NCAM1: variants seen among roughly 807,000 people sequenced by gnomAD.
NCAM1 encodes the protein neural cell adhesion molecule 1.
NCAM1 carries 14 observed loss-of-function variants against 109.8 expected under a neutral mutation model. The ratio of observed to expected loss-of-function variants is 0.13; its 90% CI spans 0.08 to 0.20. The LOEUF (loss-of-function observed/expected upper bound fraction) is 0.20, where lower values mean the gene tolerates loss of function less well. Ranked by LOEUF, NCAM1 falls within the 10% of genes least tolerant of loss-of-function variation. NCAM1 has a pLI of 1.00. For missense variants in NCAM1, 774 were observed against 1,109.9 expected (o/e 0.70, Z 4.30); for synonymous variants, 418 against 442.9 (o/e 0.94, Z 0.70).
intron 1 of NCAM1, among the ~76,000 whole-genome samples, chr11:113,196,580 G>T (rs1181403182): frequency 1.3e-5 from 2 of 152,194 alleles, no homozygotes; most frequent in East Asian, 3.8e-4. Flanking sequence ...CTTTACATAT[G>T]TTGGTTCATT....
chr11:113,248,120 C>T (rs998551592), intron 15 of NCAM1, among the ~76,000 whole-genome samples: 11 of 151,442 alleles, frequency 7.3e-5, no homozygotes. Context: ...AGATCTCTTC[C>T]AGACATTTTA....
At chr11:113,249,761 A>T (rs556280646) in intron 15 of NCAM1, among the ~76,000 whole-genome samples, 1 of 152,328 alleles carries the variant, frequency 6.6e-6, no homozygotes, top group Admixed American at 6.5e-5. Context: ...TGGTGTTTTC[A>T]TGACACCTGC....
intron 1 of NCAM1, among the ~76,000 whole-genome samples, chr11:113,071,108 A>G (rs1938240967): frequency 6.6e-6 from 1 of 152,156 alleles, no homozygotes. Context: ...AGTAAAGTCA[A>G]TGAGGCCAAT....
At chr11:113,198,140 G>A (rs1555111174) in intron 1 of NCAM1, among the ~76,000 whole-genome samples, 1 of 152,168 alleles carries the variant, frequency 6.6e-6, no homozygotes, top group African/African-American at 2.4e-5. Flanking sequence ...GTTCTCAAAA[G>A]ACAGAACTTT....
intron 1 of NCAM1, among the ~76,000 whole-genome samples, chr11:113,169,569 C>A (rs1244805331): frequency 6.6e-6 from 1 of 150,830 alleles, no homozygotes; most frequent in Non-Finnish European, 1.5e-5. Flanking sequence ...CACATGGGTC[C>A]TGGTAAGCTT....
chr11:113,163,035 T>C (rs1418907009), intron 1 of NCAM1, among the ~76,000 whole-genome samples: 1 of 152,130 alleles, frequency 6.6e-6, no homozygotes. Flanking sequence ...ACTTAAGTAT[T>C]TTTCAAGCTC....
intron 1 of NCAM1, among the ~76,000 whole-genome samples, chr11:113,022,425 T>C (rs1269187403): frequency 1.3e-5 from 2 of 152,210 alleles, no homozygotes; most frequent in Non-Finnish European, 2.9e-5. Context: ...TAAGATATCA[T>C]CCTAAGATAA....
chr11:112,999,713 C>T (rs1951692776), intron 1 of NCAM1, among the ~76,000 whole-genome samples: 1 of 151,958 alleles, frequency 6.6e-6, no homozygotes, highest in Non-Finnish European at 1.5e-5. Context: ...ATGTCATTTC[C>T]AGGTAATCAC....
At chr11:112,980,546 A>G (rs1555068571) in intron 1 of NCAM1, among the ~76,000 whole-genome samples, 1 of 151,898 alleles carries the variant, frequency 6.6e-6, no homozygotes, top group Non-Finnish European at 1.5e-5. Flanking sequence ...TTGATTCAGC[A>G]TTTTAGTAAT....
chr11:113,104,207 T>TG (rs1345382907), intron 1 of NCAM1, among the ~76,000 whole-genome samples: 6,170 of 19,104 alleles, frequency 0.32, 458 homozygotes, highest in Middle Eastern at 0.47. Context: ...GGAGGTGGGG[T>TG]GGGGGGGGGG....
In NCAM1 at chr11:113,021,027, G is replaced by T. The variant is rs1473328090; in HGVS notation, c.52+59363G>T. On this transcript the variant is annotated intron_variant, in intron 1 of 19. Coordinates refer to ENST00000316851, the MANE Select transcript of NCAM1 (RefSeq NM_181351.5). The stretch of plus-strand genomic sequence containing the variant: ...CCCCATCGGCCTCCCAAAGTGCTGG[G>T]ATTACAGGCATGAGCCACCGCACCC... 3.3e-5 allele frequency among the ~76,000 whole-genome samples: 5 copies of T among 152,132 alleles called. No homozygotes were observed. The East Asian group carries it at 9.6e-4, about 29-fold the overall frequency.
intron 1 of NCAM1, among the ~76,000 whole-genome samples, chr11:113,102,016 C>T (rs1343445194): frequency 3.3e-5 from 5 of 152,066 alleles, no homozygotes; most frequent in Admixed American, 3.3e-4. Flanking sequence ...TTATTTTCCC[C>T]TAAGTATGGG....
chr11:113,238,334 G>T (rs1015009427), intron 14 of NCAM1, among the ~76,000 whole-genome samples: 1 of 152,284 alleles, frequency 6.6e-6, no homozygotes, highest in East Asian at 1.9e-4. Flanking sequence ...AGTTGAGCAC[G>T]CCTTTTGCAA....
intron 1 of NCAM1, among the ~76,000 whole-genome samples, chr11:113,110,730 C>T (rs545489736): frequency 5.3e-5 from 8 of 152,116 alleles, no homozygotes; most frequent in Admixed American, 3.9e-4. Context: ...TTTTCTAAAA[C>T]GAAATGTCTT....
intron 1 of NCAM1, among the ~76,000 whole-genome samples, chr11:112,980,217 A>G (rs1316624106): frequency 4.6e-5 from 7 of 151,860 alleles, no homozygotes; most frequent in Non-Finnish European, 7.4e-5. Flanking sequence ...TGTTGTGGAA[A>G]AATTGGAACC....
chr11:113,263,654 A>G, intron 17 of NCAM1: 1 of 985,604 alleles, frequency 1.0e-6, no homozygotes, highest in African/African-American at 1.7e-5. Flanking sequence ...CAGCTTTGAA[A>G]GGTGTTTGTC....
chr11:113,077,742 A>G (rs1938594890), intron 1 of NCAM1, among the ~76,000 whole-genome samples: 1 of 150,114 alleles, frequency 6.7e-6, no homozygotes, highest in South Asian at 2.1e-4. Context: ...GCTGGAGTGC[A>G]GTGGCGCGAT....
At position 113,231,808 on chromosome 11, in the gene NCAM1, T is replaced by G; in HGVS notation, c.1240+13T>G. 6.2e-7 allele frequency: 1 copy of G among 1,613,562 alleles called. No individual in the cohort carries two copies. Reference sequence around the variant, plus strand: ...CTTGAAGTGCAATGTAAGGAATAAATGGGGAAGGACCTGGGGGAGGGAGGG... The same window carrying G: ...CTTGAAGTGCAATGTAAGGAATAAAGGGGGAAGGACCTGGGGGAGGGAGGG... On this transcript the variant is annotated intron_variant, in intron 10 of 19. Transcript: ENST00000316851.
intron 17 of NCAM1, 181 bp downstream of exon 17, chr11:113,260,504 G>A: frequency 3.2e-6 from 2 of 628,054 alleles, no homozygotes; most frequent in Non-Finnish European, 5.2e-6. Flanking sequence ...AGATGTACTG[G>A]ACCCCCAGGA....
Sources: allele counts gnomAD v4.1 joint callset (sites outside exome capture counted in the v4.1 genomes callset), GRCh38; gene constraint gnomAD v4.1.1; transcripts MANE v1.5; gene names NCBI Gene and HGNC (gene_info 2026-07-23, HGNC 2026-07-21).